SLC35F2: variants seen among roughly 807,000 people sequenced by gnomAD.
The protein encoded by SLC35F2 is queuine/queuosine transporter SLC35F2.
Under a neutral mutation model 38.1 loss-of-function variants are expected in SLC35F2, and 25 were observed. That is an observed-to-expected ratio of 0.66 (90% confidence interval 0.48 to 0.92). SLC35F2 has a LOEUF of 0.92. Ranked by LOEUF, SLC35F2 falls within the 40% of genes least tolerant of loss-of-function variation. The pLI, the probability that SLC35F2 is intolerant of heterozygous loss-of-function variation, is 0.00. For synonymous variants in SLC35F2, 173 were observed against 181.7 expected, an observed-to-expected ratio of 0.95 and a Z score of 0.38; for missense variants, 409 against 452.9, an observed-to-expected ratio of 0.90 and a Z score of 0.88.
At chr11:107,845,798 C>A (rs1860096550) in intron 1 of SLC35F2, among the ~76,000 whole-genome samples, 1 of 151,742 alleles carries the variant, frequency 6.6e-6, no homozygotes, top group African/African-American at 2.4e-5. Flanking sequence ...ACTAAAAATA[C>A]AAAAATTAGC....
intron 7 of SLC35F2, among the ~76,000 whole-genome samples, chr11:107,794,504 G>T (rs1342659636): frequency 1.3e-5 from 2 of 152,108 alleles, no homozygotes; most frequent in African/African-American, 4.8e-5. Flanking sequence ...AATACCCAGG[G>T]CCTTATTTTT....
rs911213915 is a variant in SLC35F2 at position 107,791,001 on chromosome 11, T to C, written c.*1614A>G. The C allele has an allele frequency of 1.3e-5, 2 of 152,624 alleles. No homozygotes were observed. Among genetic ancestry groups the C allele is most frequent in the Non-Finnish European group, 2.9e-5 (2 of 68,016 alleles). The allele number at this position is 152,624 out of a possible 1,614,324, so 9.5% of individuals were successfully genotyped here. A position where few individuals can be genotyped will look rare whatever the true frequency, so the allele number is the denominator to read the frequency against. On this transcript the variant is annotated 3_prime_UTR_variant, in exon 8 of 8. Transcript: ENST00000525815. ...AAACCACACAGTTGATGTATTTCCA[T>C]GAATTCAAAGCCTTTTAATGATGTG...
intron 2 of SLC35F2, among the ~76,000 whole-genome samples, chr11:107,813,171 G>A (rs1859508977): frequency 6.6e-6 from 1 of 152,184 alleles, no homozygotes; most frequent in African/African-American, 2.4e-5. Context: ...TAGGCCGGGT[G>A]CGGTGGCTCA....
chr11:107,793,419 G>C (rs151014706), intron 7 of SLC35F2, among the ~76,000 whole-genome samples: 1,898 of 152,148 alleles, frequency 0.012, 140 homozygotes, highest in Admixed American at 0.11. Context: ...CCACTTAGTG[G>C]AGAAAATAAA....
intron 1 of SLC35F2, among the ~76,000 whole-genome samples, chr11:107,828,882 A>G (rs1056853170): frequency 6.6e-6 from 1 of 152,026 alleles, no homozygotes; most frequent in Non-Finnish European, 1.5e-5. Flanking sequence ...CGAGGTGGGC[A>G]GATCACTTGA....
intron 1 of SLC35F2, among the ~76,000 whole-genome samples, chr11:107,845,926 C>T (rs1238620827): frequency 2.0e-5 from 3 of 151,020 alleles, no homozygotes; most frequent in Non-Finnish European, 4.4e-5. Context: ...GCACTCCAGC[C>T]TGGGCGACAG....
At chr11:107,847,333 G>A (rs1433116775) in intron 1 of SLC35F2, among the ~76,000 whole-genome samples, 2 of 152,138 alleles carry the variant, frequency 1.3e-5, no homozygotes, top group African/African-American at 2.4e-5. Context: ...TCACACCCAT[G>A]AGCAACCTCA....
At chr11:107,822,698 C>A (rs1859692467) in intron 1 of SLC35F2, among the ~76,000 whole-genome samples, 1 of 152,032 alleles carries the variant, frequency 6.6e-6, no homozygotes, top group African/African-American at 2.4e-5. Context: ...GTTGAACAAC[C>A]TCAGAAGTTT....
chr11:107,847,090 G>A (rs937118421), intron 1 of SLC35F2, among the ~76,000 whole-genome samples: 10 of 152,032 alleles, frequency 6.6e-5, no homozygotes, highest in East Asian at 1.9e-4. Context: ...TTACCCTGTC[G>A]CCCAGGCTAG....
chr11:107,805,650 G>A, intron 4 of SLC35F2, 135 bp from the exon 5 acceptor site: 1 of 1,449,218 alleles, frequency 6.9e-7, no homozygotes, highest in Non-Finnish European at 9.0e-7. Flanking sequence ...AGAAGTTTAT[G>A]TGTGAGAGTG....
At chr11:107,827,817 A>G (rs1314988963) in intron 1 of SLC35F2, among the ~76,000 whole-genome samples, 1 of 151,904 alleles carries the variant, frequency 6.6e-6, no homozygotes, top group Non-Finnish European at 1.5e-5. Flanking sequence ...AAGCTGAGGG[A>G]GGAGAATCAC....
intron 1 of SLC35F2, among the ~76,000 whole-genome samples, chr11:107,827,240 A>C (rs561981309): frequency 1.1e-4 from 16 of 152,170 alleles, no homozygotes; most frequent in Non-Finnish European, 2.2e-4. Context: ...TCCCCTAAAA[A>C]GCTCTGAAAC....
chr11:107,823,578 A>G (rs1859708450), intron 1 of SLC35F2, among the ~76,000 whole-genome samples: 1 of 152,204 alleles, frequency 6.6e-6, no homozygotes, highest in Non-Finnish European at 1.5e-5. Context: ...TAAGCTACCC[A>G]GTTTCTATTT....
intron 1 of SLC35F2, among the ~76,000 whole-genome samples, chr11:107,836,210 T>C (rs534506129): frequency 7.1e-6 from 1 of 140,042 alleles, no homozygotes; most frequent in South Asian, 2.4e-4. Flanking sequence ...TTTTATGAAT[T>C]ATCACTTACA....
chr11:107,821,524 G>C, intron 1 of SLC35F2: 2 of 985,346 alleles, frequency 2.0e-6, no homozygotes, highest in Non-Finnish European at 2.4e-6. Context: ...CAAACTTATA[G>C]ACACTGAAGG....
At position 107,834,477 on chromosome 11, in the gene SLC35F2, C is replaced by T. The variant is rs548622920; in HGVS notation, c.111-18512G>A. Among the ~76,000 whole-genome samples the T allele has an allele frequency of 2.9e-3, 438 of 152,102 alleles. 1 individual carries two copies. Among genetic ancestry groups the T allele is most frequent in the African/African-American group, 0.01 (426 of 41,480 alleles). Reference sequence around the variant, plus strand: ...AACAGCCTGGCCAACATGGTGAAACCCCATCTCTACTAAAAATACAAAATT... The same window carrying T: ...AACAGCCTGGCCAACATGGTGAAACTCCATCTCTACTAAAAATACAAAATT... On this transcript the variant is annotated intron_variant, in intron 1 of 7. Coordinates refer to ENST00000525815, the MANE Select transcript of SLC35F2 (RefSeq NM_017515.5).
chr11:107,838,394 G>A (rs1273732256), intron 1 of SLC35F2, among the ~76,000 whole-genome samples: 3 of 151,694 alleles, frequency 2.0e-5, no homozygotes, highest in African/African-American at 7.3e-5. Context: ...GCGTACTCTC[G>A]GCTCACTGCA....
chr11:107,805,994 G>A (rs564329260), intron 4 of SLC35F2, among the ~76,000 whole-genome samples: 2 of 152,250 alleles, frequency 1.3e-5, no homozygotes, highest in African/African-American at 4.8e-5. Flanking sequence ...TGTTGGCCAG[G>A]CTGGTCTCGA....
chr11:107,806,127 T>A (rs1859386116), intron 4 of SLC35F2, among the ~76,000 whole-genome samples: 5 of 152,222 alleles, frequency 3.3e-5, no homozygotes. Flanking sequence ...CACTTTCTGG[T>A]GCAATTCTGC....
Sources: gnomAD v4.1 joint callset for allele counts (sites outside exome capture counted in the v4.1 genomes callset) on GRCh38, gnomAD v4.1.1 for gene constraint, MANE v1.5 for transcripts, NCBI Gene and HGNC (gene_info 2026-07-23, HGNC 2026-07-21) for gene names.